Variants in ANKRD36B observed in about 807,000 individuals in gnomAD.
The protein encoded by ANKRD36B is ankyrin repeat domain 36B.
A neutral mutation model predicts 135.7 loss-of-function variants in ANKRD36B; 37 were observed. That is an observed-to-expected ratio of 0.27 (90% CI 0.21 to 0.36). ANKRD36B has a LOEUF of 0.36. Ranked by LOEUF, ANKRD36B falls within the 10% of genes least tolerant of loss-of-function variation. ANKRD36B has a pLI of 1.00. For missense variants in ANKRD36B, 549 were observed against 1,037.1 expected (o/e 0.53, Z 6.46); for synonymous variants, 179 against 348.1 (o/e 0.51, Z 5.41).
intron 43 of ANKRD36B, among the ~76,000 whole-genome samples, chr2:97,496,149 G>A (rs1439514915): frequency 1.9e-5 from 2 of 104,456 alleles, no homozygotes; most frequent in Admixed American, 1.7e-4. Context: ...TATTGCTGAT[G>A]TGAAGACAGT....
intron 3 of ANKRD36B, among the ~76,000 whole-genome samples, chr2:97,581,934 G>A (rs912011144): frequency 1.4e-4 from 21 of 151,178 alleles, no homozygotes; most frequent in African/African-American, 4.9e-4. Context: ...TCAGCCTCCC[G>A]AGTAGCTGGG....
At chr2:97,586,936 G>A (rs1573110006) in intron 1 of ANKRD36B, among the ~76,000 whole-genome samples, 1 of 152,320 alleles carries the variant, frequency 6.6e-6, no homozygotes, top group East Asian at 1.9e-4. Context: ...AACTTTGGGA[G>A]GCCGAGGCGG....
At chr2:97,581,793 A>T (rs2082649585) in intron 3 of ANKRD36B, among the ~76,000 whole-genome samples, 2 of 151,016 alleles carry the variant, frequency 1.3e-5, no homozygotes, top group Admixed American at 6.6e-5. Context: ...TATTTGCATC[A>T]TTTATTTATT....
chr2:97,527,655 A>G (rs1213749650), intron 35 of ANKRD36B, among the ~76,000 whole-genome samples: 1 of 95,940 alleles, frequency 1.0e-5, no homozygotes, highest in Non-Finnish European at 2.8e-5. Flanking sequence ...GTATTCAGGA[A>G]ACCCATCTCA....
intron 1 of ANKRD36B, among the ~76,000 whole-genome samples, 169 bp from the exon 2 acceptor site, chr2:97,585,567 G>C (rs3970378): frequency 4.4e-4 from 67 of 152,274 alleles, no homozygotes; most frequent in East Asian, 9.6e-4. Flanking sequence ...AATAGAAAAG[G>C]CTTGGCTTTT....
rs1300753469 is a variant in ANKRD36B at position 97,535,935 on chromosome 2, C to T, written c.2191+365G>A. Among the ~76,000 whole-genome samples the T allele has an allele frequency of 6.5e-5, 6 of 92,958 alleles. 2 individuals are homozygous for T. Among genetic ancestry groups the T allele is most frequent in the Admixed American group, 1.9e-4 (2 of 10,290 alleles). 61.0% of individuals were successfully genotyped at this position (92,958 alleles called of 152,430 possible). ...ACAAAATTAGCCGGGCATGGTGGGGCATACCTGTAATCCCAGCTACTCGGG... is the reference window on the plus strand; with the variant it reads ...ACAAAATTAGCCGGGCATGGTGGGGTATACCTGTAATCCCAGCTACTCGGG... On this transcript the variant is annotated intron_variant, in intron 34 of 43. Coordinates refer to ENST00000359901, the MANE Select transcript of ANKRD36B (RefSeq NM_001393939.1).
intron 6 of ANKRD36B, among the ~76,000 whole-genome samples, chr2:97,574,687 A>C (rs1268868149): frequency 6.6e-6 from 1 of 152,192 alleles, no homozygotes; most frequent in Non-Finnish European, 1.5e-5. Context: ...GCTTTGGACA[A>C]GGTGGTTCCA....
rs1210148469 is a variant in ANKRD36B at position 97,569,620 on chromosome 2, G to A, written c.763+6759C>T. Among the ~76,000 whole-genome samples the A allele has an allele frequency of 2.0e-5, 3 of 151,414 alleles. No homozygotes were observed. In the East Asian group the frequency reaches 5.9e-4, roughly 30 times the overall value. On this transcript the variant is annotated intron_variant, in intron 6 of 43. Coordinates refer to ENST00000359901, the MANE Select transcript of ANKRD36B (RefSeq NM_001393939.1). ...CAAATGTACCACTCAGGTGGGAGATGTTGAAAATGGGGGGAGCTATGAACG... is the reference window on the plus strand; with the variant it reads ...CAAATGTACCACTCAGGTGGGAGATATTGAAAATGGGGGGAGCTATGAACG...
At position 97,539,970 on chromosome 2, in the gene ANKRD36B, T is replaced by TG. The variant is rs2104524838; in HGVS notation, c.1987+63dup. 6.8e-6 allele frequency: 5 copies of TG among 736,392 alleles called. 2 individuals are homozygous for TG. In the East Asian group the frequency reaches 1.4e-4, roughly 21 times the overall value. 45.6% of individuals were successfully genotyped at this position (736,392 alleles called of 1,614,324 possible). A position where few individuals can be genotyped will look rare whatever the true frequency, so the allele number is the denominator to read the frequency against. On this transcript the variant is annotated intron_variant, in intron 30 of 43. Coordinates refer to ENST00000359901, the MANE Select transcript of ANKRD36B (RefSeq NM_001393939.1). ...CGACGAACCCCCCCGCTGATTTATTTGGGGAAGAGAAGTTCTTTTCTATCT... is the reference window on the plus strand; with the variant it reads ...CGACGAACCCCCCCGCTGATTTATTTGGGGGAAGAGAAGTTCTTTTCTATCT...
chr2:97,571,178 T>C (rs2104880662), intron 6 of ANKRD36B, among the ~76,000 whole-genome samples: 1 of 152,318 alleles, frequency 6.6e-6, no homozygotes, highest in East Asian at 1.9e-4. Context: ...AAGGTTTCTT[T>C]TATAATAATT....
At chr2:97,556,518 G>T (rs932303165) in intron 12 of ANKRD36B, among the ~76,000 whole-genome samples, 99 of 151,870 alleles carry the variant, frequency 6.5e-4, no homozygotes, top group African/African-American at 8.9e-4. Context: ...TGGTCACTTT[G>T]TTTCTCATTC....
At chr2:97,547,759 C>G in intron 20 of ANKRD36B, 28 bp from the exon 21 acceptor site, 1 of 1,547,998 alleles carries the variant, frequency 6.5e-7, no homozygotes, top group Non-Finnish European at 8.7e-7. Context: ...TTCATAATCA[C>G]TCATATGTAA....
chr2:97,579,704 T>C (rs1337288122), intron 4 of ANKRD36B, among the ~76,000 whole-genome samples: 2 of 111,316 alleles, frequency 1.8e-5, no homozygotes, highest in African/African-American at 6.1e-5. Flanking sequence ...ATATATGATG[T>C]TAGTTACATT....
intron 6 of ANKRD36B, among the ~76,000 whole-genome samples, chr2:97,563,393 A>C (rs928791241): frequency 6.6e-6 from 1 of 151,672 alleles, no homozygotes; most frequent in East Asian, 1.9e-4. Flanking sequence ...ACTTGTAATG[A>C]AAATTCCTCT....
rs2079826005 is a variant in ANKRD36B, at chr2:97,549,455, C to CTA, written c.1439_1440dup (p.Ala481Ter). On this transcript the variant is annotated frameshift_variant, in exon 20 of 44. Coordinates refer to ENST00000359901, the MANE Select transcript of ANKRD36B (RefSeq NM_001393939.1). LOFTEE classifies it high-confidence loss of function. ...TTTTCTCCATCCTTTTTTTCTCTGG[C>CTA]TATATTCAAAACAGAATCTTCCTTG... 6.3e-7 allele frequency: 1 copy of CTA among 1,585,884 alleles called. No individual in the cohort carries two copies.
chr2:97,569,457 T>C (rs1048899961), intron 6 of ANKRD36B, among the ~76,000 whole-genome samples: 4 of 152,192 alleles, frequency 2.6e-5, no homozygotes, highest in South Asian at 2.1e-4. Context: ...TTCAGGGCAG[T>C]GTAAGTATTC....
At chr2:97,585,627 G>T (rs2082924701) in intron 1 of ANKRD36B, among the ~76,000 whole-genome samples, 1 of 152,186 alleles carries the variant, frequency 6.6e-6, no homozygotes. Flanking sequence ...CTGTCACTTA[G>T]CTGTTATTTA....
At chr2:97,572,912 G>C (rs919737011) in intron 6 of ANKRD36B, among the ~76,000 whole-genome samples, 3 of 151,576 alleles carry the variant, frequency 2.0e-5, no homozygotes, top group Non-Finnish European at 4.4e-5. Context: ...TCGTCTGTAG[G>C]CTACTTCTTT....
rs113827257 is a variant in ANKRD36B at position 97,541,462 on chromosome 2, T to C, written c.1885+449A>G. ...CCTGCCTCACAATCCCTCTTCCTTG[T>C]GGAAAATAATTGCTACTTCAGTGAT... On this transcript the variant is annotated intron_variant, in intron 28 of 43. Transcript: ENST00000359901. Among the ~76,000 whole-genome samples the C allele has an allele frequency of 3.7e-4, 36 of 96,842 alleles. 3 individuals carry two copies. Among genetic ancestry groups the C allele is most frequent in the African/African-American group, 1.1e-3 (36 of 32,524 alleles). 63.5% of individuals were successfully genotyped at this position (96,842 alleles called of 152,430 possible).
Sources: allele counts gnomAD v4.1 joint callset (sites outside exome capture counted in the v4.1 genomes callset), GRCh38; gene constraint gnomAD v4.1.1; transcripts MANE v1.5; gene names NCBI Gene and HGNC (gene_info 2026-07-23, HGNC 2026-07-21).